Variants in NRXN1 observed in about 807,000 individuals in gnomAD.
NRXN1 encodes the protein neurexin 1.
A neutral mutation model predicts 150.9 loss-of-function variants in NRXN1; 39 were observed. That is an observed-to-expected ratio of 0.26 (90% confidence interval 0.20 to 0.34). The LOEUF (loss-of-function observed/expected upper bound fraction) is 0.34, where lower values mean the gene tolerates loss of function less well. NRXN1 is among the 10% of genes least tolerant of loss of function. NRXN1 has a pLI of 1.00. For synonymous variants in NRXN1, 924 were observed against 757.0 expected, an observed-to-expected ratio of 1.22 and a Z score of -3.62; for missense variants, 1,815 against 1,949.9, an observed-to-expected ratio of 0.93 and a Z score of 1.30.
At chr2:50,666,863 G>C (rs1466005019) in intron 5 of NRXN1, among the ~76,000 whole-genome samples, 1 of 90,746 alleles carries the variant, frequency 1.1e-5, no homozygotes, top group African/African-American at 4.1e-5. Context: ...TGATGATGAT[G>C]ATGATGATGA....
chr2:50,814,154 T>C (rs1668603765), intron 5 of NRXN1, among the ~76,000 whole-genome samples: 2 of 152,034 alleles, frequency 1.3e-5, no homozygotes, highest in South Asian at 4.2e-4. Flanking sequence ...TTCTACCCTC[T>C]CTGTTTGTTT....
At chr2:50,356,410 T>C (rs1254977259) in intron 17 of NRXN1, among the ~76,000 whole-genome samples, 3 of 152,230 alleles carry the variant, frequency 2.0e-5, no homozygotes, top group Non-Finnish European at 2.9e-5. Flanking sequence ...ATAGGAAATT[T>C]TTTGATACCT....
chr2:50,470,870 G>A (rs2089388825), intron 16 of NRXN1, among the ~76,000 whole-genome samples: 1 of 151,722 alleles, frequency 6.6e-6, no homozygotes, highest in Non-Finnish European at 1.5e-5. Context: ...ACAGATCTTG[G>A]TCTGATAGAG....
chr2:51,007,064 A>G (rs1278584248), intron 2 of NRXN1, among the ~76,000 whole-genome samples: 1 of 151,996 alleles, frequency 6.6e-6, no homozygotes, highest in African/African-American at 2.4e-5. Flanking sequence ...GTATTACTTA[A>G]AAGTCATAAA....
rs1553442473 is a variant in NRXN1, at chr2:50,972,094, A to AT, written c.773-46140_773-46139insA. Among the ~76,000 whole-genome samples the AT allele has an allele frequency of 1.0e-3, 154 of 151,842 alleles. 1 individual carries two copies. The highest frequency in any genetic ancestry group is 1.9e-3 in the South Asian group (9 of 4,812). The stretch of plus-strand genomic sequence containing the variant: ...GATAATTTATTTTATTCACAAAAAA[A>AT]AAAAATTATTTGCTGTGAAACAAAG... On this transcript the variant is annotated intron_variant, in intron 2 of 22. Transcript: ENST00000401669.
At chr2:51,005,234 G>A (rs1433541893) in intron 2 of NRXN1, among the ~76,000 whole-genome samples, 1 of 151,592 alleles carries the variant, frequency 6.6e-6, no homozygotes, top group Non-Finnish European at 1.5e-5. Flanking sequence ...TGATTACTCA[G>A]TTATAATGCC....
chr2:50,124,885 T>C (rs1704349974), intron 18 of NRXN1, among the ~76,000 whole-genome samples: 1 of 152,162 alleles, frequency 6.6e-6, no homozygotes, highest in Admixed American at 6.6e-5. Context: ...TGACCTTAGC[T>C]TCTAGAAGTT....
chr2:50,132,799 AGAATAGTCCAGTTAG>A (rs1162524153), intron 18 of NRXN1, among the ~76,000 whole-genome samples: 1 of 151,790 alleles, frequency 6.6e-6, no homozygotes, highest in African/African-American at 2.4e-5. Flanking sequence ...GTGTGTATAG[AGAATAGTCCAGTTAG>A]GAAAGTACTC....
At chr2:50,360,647 C>T (rs1324827955) in intron 17 of NRXN1, among the ~76,000 whole-genome samples, 1 of 152,118 alleles carries the variant, frequency 6.6e-6, no homozygotes, top group Admixed American at 6.5e-5. Flanking sequence ...GACTTAGACT[C>T]CCACACAATA....
intron 17 of NRXN1, among the ~76,000 whole-genome samples, chr2:50,273,877 C>A (rs1339610883): frequency 2.6e-5 from 4 of 152,126 alleles, no homozygotes; most frequent in African/African-American, 9.7e-5. Flanking sequence ...CAGGAAACAA[C>A]AGATGCTGGA....
chr2:49,926,582 A>C (rs1025660195), intron 22 of NRXN1, among the ~76,000 whole-genome samples: 2 of 152,234 alleles, frequency 1.3e-5, no homozygotes, highest in African/African-American at 4.8e-5. Flanking sequence ...ATGAACAGTT[A>C]CTACTAAAGG....
chr2:50,936,258 C>G (rs1434703298), intron 2 of NRXN1, among the ~76,000 whole-genome samples: 1 of 152,170 alleles, frequency 6.6e-6, no homozygotes, highest in African/African-American at 2.4e-5. Flanking sequence ...TTAGCCCAAC[C>G]CTGGTATTAG....
At chr2:50,901,216 C>G (rs559976173) in intron 5 of NRXN1, among the ~76,000 whole-genome samples, 1 of 152,032 alleles carries the variant, frequency 6.6e-6, no homozygotes, top group Non-Finnish European at 1.5e-5. Flanking sequence ...ACTGAGTGAA[C>G]AGAATGAATT....
intron 17 of NRXN1, chr2:50,312,872 C>A: frequency 2.2e-6 from 1 of 454,172 alleles, no homozygotes. Flanking sequence ...TAGAGGCAGG[C>A]AGTGCTTGAG....
At chr2:50,963,824 T>A (rs894854138) in intron 2 of NRXN1, 1 of 284,660 alleles carries the variant, frequency 3.5e-6, no homozygotes, top group African/African-American at 2.2e-5. Context: ...CTTCTGTGTA[T>A]TGAATAACTT....
At chr2:50,008,550 G>A (rs569106618) in intron 21 of NRXN1, among the ~76,000 whole-genome samples, 20 of 149,390 alleles carry the variant, frequency 1.3e-4, no homozygotes, top group Non-Finnish European at 2.5e-4. Flanking sequence ...TGTGAGCTCC[G>A]AGGATGGCAT....
At chr2:50,497,775 C>T (rs1318794795) in intron 13 of NRXN1, 61 bp from the exon 14 acceptor site, 11 of 1,469,692 alleles carry the variant, frequency 7.5e-6, no homozygotes, top group Non-Finnish European at 1.0e-5. Flanking sequence ...CAACTTTAGG[C>T]TTTCATAACA....
rs1373827671 is a variant in NRXN1 at position 50,762,782 on chromosome 2, A to C, written c.833-139167T>G. ...TTGCTTCCCTGTCTTTGCAATTGTG[A>C]ATACTGCTGTGATAAACATGCCAGT... On this transcript the variant is annotated intron_variant, in intron 5 of 22. Transcript: ENST00000401669. Among the ~76,000 whole-genome samples the C allele has an allele frequency of 3.3e-5, 5 of 151,966 alleles. No homozygotes were observed. In the East Asian group the frequency reaches 7.8e-4, roughly 24 times the overall value.
chr2:50,966,872 T>C (rs546968248), intron 2 of NRXN1, among the ~76,000 whole-genome samples: 13 of 152,042 alleles, frequency 8.6e-5, no homozygotes, highest in African/African-American at 3.1e-4. Context: ...CAAGATATTT[T>C]GATTTAACAA....
Sources: gnomAD v4.1 joint callset for allele counts (sites outside exome capture counted in the v4.1 genomes callset) on GRCh38, gnomAD v4.1.1 for gene constraint, MANE v1.5 for transcripts, NCBI Gene and HGNC (gene_info 2026-07-23, HGNC 2026-07-21) for gene names.